The following SS18L1 variants were observed in gnomAD, a reference collection of about 807,000 sequenced individuals.
The protein encoded by SS18L1 is SS18L1 subunit of BAF chromatin remodeling complex, also known as calcium-responsive transactivator.
A neutral mutation model predicts 70.3 loss-of-function variants in SS18L1; 32 were observed. That is an observed-to-expected ratio of 0.46 (90% CI 0.34 to 0.61). SS18L1 has a LOEUF of 0.61. Ranked by LOEUF, SS18L1 falls within the 20% of genes least tolerant of loss-of-function variation. The pLI, the probability that SS18L1 is intolerant of heterozygous loss-of-function variation, is 0.01. For missense variants in SS18L1, 430 were observed against 542.1 expected (o/e 0.79, Z 2.05); for synonymous variants, 237 against 229.7 (o/e 1.03, Z -0.29).
chr20:62,160,587 T>A (rs1439499565), intron 3 of SS18L1, among the ~76,000 whole-genome samples: 1 of 152,168 alleles, frequency 6.6e-6, no homozygotes, highest in Non-Finnish European at 1.5e-5. Context: ...TAAAATGCAT[T>A]TTTCCAAGAT....
intron 1 of SS18L1, among the ~76,000 whole-genome samples, chr20:62,144,610 C>T (rs975859658): frequency 2.6e-5 from 4 of 152,266 alleles, no homozygotes; most frequent in African/African-American, 9.6e-5. Context: ...ACAAACTTGA[C>T]GGATTTGCTC....
Position 62,179,307 on chromosome 20 carries a change from T to C in SS18L1, c.*99T>C. The C allele has an allele frequency of 7.1e-7, 1 of 1,408,074 alleles. No homozygotes were observed. The highest frequency in any genetic ancestry group is 1.4e-5 in the African/African-American group (1 of 71,022). 87.2% of individuals were successfully genotyped at this position (1,408,074 alleles called of 1,614,324 possible). On this transcript the variant is annotated 3_prime_UTR_variant, in exon 11 of 11. Transcript: ENST00000331758. ...GGTGAATTGTGACATGTTGGTTACC[T>C]GTTCGCCCAGTGCCACGTCTGCATG...
At chr20:62,146,451 C>T (rs6062078) in intron 1 of SS18L1, among the ~76,000 whole-genome samples, 5,675 of 152,168 alleles carry the variant, frequency 0.037, 316 homozygotes, top group African/African-American at 0.12. Context: ...CAGGTGGCTT[C>T]AAACAACAGA....
chr20:62,167,882 C>A (rs1458408892), intron 8 of SS18L1, among the ~76,000 whole-genome samples: 1 of 150,694 alleles, frequency 6.6e-6, no homozygotes, highest in African/African-American at 2.4e-5. Flanking sequence ...GTGGCCTGAT[C>A]GTGGCACACT....
chr20:62,178,097 G>A (rs908136673), intron 10 of SS18L1, among the ~76,000 whole-genome samples: 2 of 137,786 alleles, frequency 1.5e-5, no homozygotes, highest in African/African-American at 5.5e-5. Flanking sequence ...ATGGCTCACC[G>A]CAGCCTCAAC....
At chr20:62,175,312 AG>A in intron 10 of SS18L1, 1 of 985,430 alleles carries the variant, frequency 1.0e-6, no homozygotes, top group Non-Finnish European at 1.2e-6. Context: ...TGACAGGGAC[AG>A]GTGGGCGTAG....
At chr20:62,162,708 C>G (rs1324840993) in intron 4 of SS18L1, 44 bp from the exon 5 acceptor site, 4 of 1,563,356 alleles carry the variant, frequency 2.6e-6, no homozygotes, top group South Asian at 2.3e-5. Context: ...AAGTGGTGAC[C>G]TGGCTCCCCA....
chr20:62,146,604 C>CTTTTTTTTTTT (rs1339898731), intron 1 of SS18L1, among the ~76,000 whole-genome samples: 3 of 34,150 alleles, frequency 8.8e-5, no homozygotes, highest in South Asian at 8.7e-4. Context: ...CTGCTTTGAT[C>CTTTTTTTTTTT]ATTTTTTTTT....
chr20:62,144,185 C>T (rs995125036), intron 1 of SS18L1, among the ~76,000 whole-genome samples: 4 of 151,318 alleles, frequency 2.6e-5, no homozygotes, highest in Non-Finnish European at 1.5e-5. Context: ...TGGAGGCTGC[C>T]GGCCCCCGAG....
In SS18L1 at chr20:62,181,918, A is replaced by T. The variant is rs763805365; in HGVS notation, c.*2710A>T. The T allele has an allele frequency of 8.8e-6, 2 of 228,416 alleles. No individual in the cohort carries two copies. Among genetic ancestry groups the T allele is most frequent in the Middle Eastern group, 1.3e-3 (1 of 784 alleles). 14.1% of individuals were successfully genotyped at this position (228,416 alleles called of 1,614,324 possible). On this transcript the variant is annotated 3_prime_UTR_variant, in exon 11 of 11. Transcript: ENST00000331758. Reference sequence around the variant, plus strand: ...AAAATTGACGCTCATTCTTCTTCCTATTGTTCCCTGACATCCAGCAAATTG... The same window carrying T: ...AAAATTGACGCTCATTCTTCTTCCTTTTGTTCCCTGACATCCAGCAAATTG...
chr20:62,149,269 G>A (rs1469964680), intron 1 of SS18L1, among the ~76,000 whole-genome samples: 1 of 152,262 alleles, frequency 6.6e-6, no homozygotes, highest in African/African-American at 2.4e-5. Context: ...AAGAGGGAGT[G>A]CAGGTCTTCC....
chr20:62,150,969 C>T (rs1380374427), intron 1 of SS18L1, among the ~76,000 whole-genome samples: 2 of 152,056 alleles, frequency 1.3e-5, no homozygotes, highest in Non-Finnish European at 2.9e-5. Flanking sequence ...TAAAAAGGTT[C>T]CAAAAGTCTT....
chr20:62,173,178 GC>G (rs773303383), intron 9 of SS18L1, among the ~76,000 whole-genome samples: 5 of 152,182 alleles, frequency 3.3e-5, no homozygotes, highest in African/African-American at 7.2e-5. Flanking sequence ...CACGCCTCAG[GC>G]CCAGCTTCAA....
rs531059496 is a variant in SS18L1, at chr20:62,182,039, A to G, written c.*2831A>G. ...CCCATTAAGGTTTGTTGTTGAATCA[A>G]CAGTACTCAGCATATTAAAACAGTA... On this transcript the variant is annotated 3_prime_UTR_variant, in exon 11 of 11. Transcript: ENST00000331758. 1.1e-4 allele frequency: 25 copies of G among 229,814 alleles called. No homozygotes were observed. The East Asian group carries it at 1.2e-3, about 11-fold the overall frequency. 14.2% of individuals were successfully genotyped at this position (229,814 alleles called of 1,614,324 possible).
Position 62,158,495 on chromosome 20 carries a change from TGCC to T in SS18L1, c.70-176_70-174del, listed in dbSNP as rs2057263265. On this transcript the variant is annotated intron_variant, in intron 1 of 10. Coordinates refer to ENST00000331758, the MANE Select transcript of SS18L1 (RefSeq NM_198935.3). The surrounding 1 kb of genome is among the most constrained non-coding windows in gnomAD (Gnocchi z 4.5). ...GGATTTCGGGTTTTCGGATTAGGGA[TGCC>T]AAACCGGTGGGTCTAATACAGATAT... 2.6e-5 allele frequency among the ~76,000 whole-genome samples: 4 copies of T among 152,102 alleles called. No individual in the cohort carries two copies. Among genetic ancestry groups the T allele is most frequent in the Non-Finnish European group, 5.9e-5 (4 of 68,016 alleles).
chr20:62,163,036 G>C, intron 5 of SS18L1, 105 bp downstream of exon 5: 1 of 1,425,214 alleles, frequency 7.0e-7, no homozygotes, highest in Non-Finnish European at 9.5e-7. Context: ...CCTCCTGCTG[G>C]GTGCTGGAGG....
chr20:62,180,807 A>T lies in SS18L1; in HGVS notation c.*1599A>T, dbSNP rs1485501993. ...CTACTCGGGAACCTGAGGCAGGAGA[A>T]TGGCTTGAACCCAGGAGACAGAGGT... On this transcript the variant is annotated 3_prime_UTR_variant, in exon 11 of 11. Transcript: ENST00000331758. 6.1e-6 allele frequency: 1 copy of T among 165,070 alleles called. No homozygotes were observed. The highest frequency in any genetic ancestry group is 6.4e-5 in the Admixed American group (1 of 15,548). 10.2% of individuals were successfully genotyped at this position (165,070 alleles called of 1,614,324 possible).
In SS18L1 at chr20:62,165,531, C is replaced by T. The variant is rs1163638081; in HGVS notation, c.916+17C>T. On this transcript the variant is annotated intron_variant, in intron 8 of 10. Transcript: ENST00000331758. ...ATGAGGGGGGTAAGGAGCACGGCTG[C>T]GTGCTGGGCTCGAGCGTAAGCGCCA... 3 of 1,604,292 alleles carry T rather than the reference C, an allele frequency of 1.9e-6. No homozygotes were observed. Among genetic ancestry groups the T allele is most frequent in the East Asian group, 4.5e-5 (2 of 44,476 alleles).
At position 62,174,596 on chromosome 20, in the gene SS18L1, G is replaced by T; in HGVS notation, c.1116G>T (p.Pro372=). ...QGQQYGSYRA[P]QTAPSAQQQR... The stretch of plus-strand genomic sequence containing the variant: ...AGCAGTACGGAAGCTACCGAGCACC[G>T]CAGACAGCGCCGTCTGCCCAGCAGC... Residue 372 remains proline (P), a synonymous_variant, in exon 10 of 11, where the codon CCG becomes CCT. Coordinates refer to ENST00000331758, the MANE Select transcript of SS18L1 (RefSeq NM_198935.3). This position sits in a 1 kb window ranked among gnomAD's most constrained non-coding sequence, Gnocchi z 4.1. 1 of 1,613,730 alleles carries T rather than the reference G, an allele frequency of 6.2e-7. No homozygotes were observed. The highest frequency in any genetic ancestry group is 8.5e-7 in the Non-Finnish European group (1 of 1,180,026).
Sources: allele counts gnomAD v4.1 joint callset (sites outside exome capture counted in the v4.1 genomes callset), GRCh38; gene constraint gnomAD v4.1.1; non-coding constraint Gnocchi (gnomAD v3.1); transcripts MANE v1.5; gene names NCBI Gene and HGNC (gene_info 2026-07-23, HGNC 2026-07-21).